ATP6V1C2: variants seen among roughly 807,000 people sequenced by gnomAD.
ATP6V1C2 encodes ATPase H+ transporting V1 subunit C2.
Under a neutral mutation model 56.8 loss-of-function variants are expected in ATP6V1C2, and 45 were observed. The observed-to-expected ratio is 0.79, with a 90% CI of 0.62 to 1.02. The LOEUF is 1.02. ATP6V1C2 is among the 50% of genes least tolerant of loss of function. ATP6V1C2 has a pLI of 0.00. For synonymous variants in ATP6V1C2, 220 were observed against 201.3 expected (o/e 1.09, Z -0.79); for missense variants, 463 against 519.7 (o/e 0.89, Z 1.06).
chr2:10,785,030 C>T lies in ATP6V1C2; in HGVS notation c.*1767C>T. On this transcript the variant is annotated 3_prime_UTR_variant, in exon 14 of 14. Transcript: ENST00000272238. ...TGGAGCCACGCCCAAAAGAGAGCTCCCTTAGGGAAAAATGACCAAAACACA... is the reference window on the plus strand; with the variant it reads ...TGGAGCCACGCCCAAAAGAGAGCTCTCTTAGGGAAAAATGACCAAAACACA... The T allele has an allele frequency of 6.4e-7, 1 of 1,569,404 alleles. No homozygotes were observed. Among genetic ancestry groups the T allele is most frequent in the Non-Finnish European group, 8.7e-7 (1 of 1,155,138 alleles).
At chr2:10,778,257 C>T (rs903849649) in intron 11 of ATP6V1C2, among the ~76,000 whole-genome samples, 4 of 152,336 alleles carry the variant, frequency 2.6e-5, no homozygotes, top group Middle Eastern at 3.4e-3. Context: ...TCCCTGGCTG[C>T]ACAGTGTCAG....
At chr2:10,739,224 G>A (rs1026428162) in intron 3 of ATP6V1C2, among the ~76,000 whole-genome samples, 3 of 151,942 alleles carry the variant, frequency 2.0e-5, no homozygotes, top group Admixed American at 6.6e-5. Flanking sequence ...CGGAGGTTGC[G>A]GTGAGCCGAG....
At chr2:10,736,100 GTCTCCACCCCGAGAA>G (rs1662228344) in intron 3 of ATP6V1C2, among the ~76,000 whole-genome samples, 1 of 152,098 alleles carries the variant, frequency 6.6e-6, no homozygotes, top group Admixed American at 6.6e-5. Context: ...TACATCACTG[GTCTCCACCCCGAGAA>G]TCTGTGATTC....
chr2:10,755,764 T>C (rs1387039099), intron 4 of ATP6V1C2, among the ~76,000 whole-genome samples: 3 of 152,182 alleles, frequency 2.0e-5, no homozygotes, highest in Non-Finnish European at 4.4e-5. Context: ...CTTCCTGTGC[T>C]GAGGAAGGCC....
chr2:10,742,668 C>A (rs1209387670), intron 3 of ATP6V1C2, among the ~76,000 whole-genome samples: 1 of 152,126 alleles, frequency 6.6e-6, no homozygotes, highest in African/African-American at 2.4e-5. Flanking sequence ...TCTCAGGAGC[C>A]CCCCTCACCG....
intron 12 of ATP6V1C2, 31 bp downstream of exon 12, chr2:10,778,700 G>T: frequency 6.2e-7 from 1 of 1,608,722 alleles, no homozygotes; most frequent in South Asian, 1.1e-5. Context: ...GGCTGGGACT[G>T]TCCTGAGGAT....
intron 4 of ATP6V1C2, among the ~76,000 whole-genome samples, chr2:10,755,027 T>C (rs1663463126): frequency 6.6e-6 from 1 of 151,888 alleles, no homozygotes; most frequent in African/African-American, 2.4e-5. Context: ...TATATAGATA[T>C]ATTTTTTGAG....
chr2:10,771,987 A>G, intron 7 of ATP6V1C2, 50 bp downstream of exon 7: 1 of 1,519,696 alleles, frequency 6.6e-7, no homozygotes, highest in Non-Finnish European at 9.1e-7. Context: ...AGTGGAGAGG[A>G]AGGTGGACCC....
intron 3 of ATP6V1C2, 97 bp downstream of exon 3, chr2:10,726,666 G>A: frequency 8.8e-7 from 1 of 1,136,428 alleles, no homozygotes; most frequent in East Asian, 2.4e-5. Flanking sequence ...GTATGGACTT[G>A]TCTAGACCTG....
chr2:10,722,379 A>G (rs1319299707), intron 1 of ATP6V1C2, among the ~76,000 whole-genome samples: 1 of 151,988 alleles, frequency 6.6e-6, no homozygotes, highest in African/African-American at 2.4e-5. Flanking sequence ...GGCCAGTTTG[A>G]CCTGCGGTTT....
In ATP6V1C2 at chr2:10,784,110, C is replaced by T. The variant is rs1490357585; in HGVS notation, c.*847C>T. 2.1e-6 allele frequency: 1 copy of T among 486,338 alleles called. No homozygotes were observed. Among genetic ancestry groups the T allele is most frequent in the Non-Finnish European group, 3.6e-6 (1 of 276,332 alleles). The allele number at this position is 486,338 out of a possible 1,614,324, so 30.1% of individuals were successfully genotyped here. ...CTTGAGATGCAAAAGTTCACTGTTGCAGTGTTTTCAAATGACCAATCAAGT... is the reference window on the plus strand; with the variant it reads ...CTTGAGATGCAAAAGTTCACTGTTGTAGTGTTTTCAAATGACCAATCAAGT... On this transcript the variant is annotated 3_prime_UTR_variant, in exon 14 of 14. Transcript: ENST00000272238.
intron 5 of ATP6V1C2, among the ~76,000 whole-genome samples, chr2:10,767,048 AAG>A (rs1664267842): frequency 6.6e-6 from 1 of 152,158 alleles, no homozygotes; most frequent in South Asian, 2.1e-4. Context: ...TTATTATAAA[AAG>A]ATGCATTTTA....
rs114711931 is a variant in ATP6V1C2, at chr2:10,760,949, G to A, written c.284-3382G>A. Among the ~76,000 whole-genome samples, 91 of 152,334 alleles carry A rather than the reference G, an allele frequency of 6.0e-4. 1 individual carries two copies. The East Asian group carries it at 7.7e-3, about 13-fold the overall frequency. Reference sequence around the variant, plus strand: ...CATGGTTGCCGGCGGGGGTCTGTCAGTGTTTGAGCATGTTTATGGAGCACT... The same window carrying A: ...CATGGTTGCCGGCGGGGGTCTGTCAATGTTTGAGCATGTTTATGGAGCACT... On this transcript the variant is annotated intron_variant, in intron 4 of 13. Coordinates refer to ENST00000272238, the MANE Select transcript of ATP6V1C2 (RefSeq NM_001039362.2).
At chr2:10,740,952 G>T (rs1019304050) in intron 3 of ATP6V1C2, among the ~76,000 whole-genome samples, 1 of 152,230 alleles carries the variant, frequency 6.6e-6, no homozygotes, top group African/African-American at 2.4e-5. Context: ...CTCCCAAAGT[G>T]CTGGGATTAC....
chr2:10,736,297 T>G (rs966288372), intron 3 of ATP6V1C2, among the ~76,000 whole-genome samples: 6 of 152,190 alleles, frequency 3.9e-5, no homozygotes, highest in African/African-American at 1.4e-4. Context: ...ACCTGGTACG[T>G]TTTTAGTAGT....
At chr2:10,721,127 A>G (rs1661334995), upstream of ATP6V1C2, among the ~76,000 whole-genome samples, 1 of 152,080 alleles carries the variant, frequency 6.6e-6, no homozygotes, top group East Asian at 1.9e-4. Context: ...TTCGCTGTCT[A>G]CGCAGGTGCG....
At chr2:10,737,724 C>G (rs918592397) in intron 3 of ATP6V1C2, among the ~76,000 whole-genome samples, 8 of 152,168 alleles carry the variant, frequency 5.3e-5, no homozygotes, top group Non-Finnish European at 1.0e-4. Flanking sequence ...CAGTCTCACT[C>G]TGTCGCCCAG....
chr2:10,723,923 G>A (rs533512731), intron 2 of ATP6V1C2, among the ~76,000 whole-genome samples: 8 of 151,160 alleles, frequency 5.3e-5, no homozygotes, highest in African/African-American at 1.2e-4. Context: ...CACCATGCCC[G>A]GCTAATTTTT....
At chr2:10,761,391 T>C (rs990141059) in intron 4 of ATP6V1C2, among the ~76,000 whole-genome samples, 1 of 152,056 alleles carries the variant, frequency 6.6e-6, no homozygotes, top group Non-Finnish European at 1.5e-5. Flanking sequence ...TGAGTTTCAC[T>C]GTCGTTCCTG....
Sources: allele counts gnomAD v4.1 joint callset (sites outside exome capture counted in the v4.1 genomes callset), GRCh38; gene constraint gnomAD v4.1.1; transcripts MANE v1.5; gene names NCBI Gene and HGNC (gene_info 2026-07-23, HGNC 2026-07-21).